The following ABCC11 variants were observed in gnomAD, a reference collection of about 807,000 sequenced individuals.
The protein encoded by ABCC11 is ATP-binding cassette sub-family C member 11.
In ABCC11, 135 loss-of-function variants were observed where a neutral mutation model predicts 149.3. The ratio of observed to expected loss-of-function variants is 0.90; its 90% confidence interval spans 0.79 to 1.04. The LOEUF (loss-of-function observed/expected upper bound fraction) is 1.04. ABCC11 is among the 50% of genes least tolerant of loss of function. The pLI, the probability that ABCC11 is intolerant of heterozygous loss-of-function variation, is 0.00. For synonymous variants in ABCC11, 665 were observed against 671.4 expected (o/e 0.99, Z 0.15); for missense variants, 1,680 against 1,722.1 (o/e 0.98, Z 0.43).
chr16:48,192,457 A>T, intron 20 of ABCC11, 63 bp downstream of exon 20: 1 of 1,531,234 alleles, frequency 6.5e-7, no homozygotes, highest in South Asian at 1.2e-5. Flanking sequence ...ATAAAAAAAT[A>T]AAAATGAAGC....
chr16:48,221,301 C>A lies in ABCC11; in HGVS notation c.777+1297G>T, dbSNP rs1296135060. 2.0e-5 allele frequency among the ~76,000 whole-genome samples: 3 copies of A among 152,056 alleles called. No homozygotes were observed. The East Asian group carries it at 5.8e-4, about 29-fold the overall frequency. On this transcript the variant is annotated intron_variant, in intron 6 of 29. Transcript: ENST00000356608. ...GTATCTGTTTCAATATCAAAGTAAC[C>A]CACAACCCTCGAGGCAATTGGTAAA...
intron 6 of ABCC11, among the ~76,000 whole-genome samples, chr16:48,218,109 C>A (rs566479952): frequency 1.3e-5 from 2 of 152,236 alleles, no homozygotes; most frequent in East Asian, 1.9e-4. Flanking sequence ...CCAGCCTGGG[C>A]AACATAGCAA....
At chr16:48,178,383 CT>C (rs943064286) in intron 24 of ABCC11, among the ~76,000 whole-genome samples, 1 of 152,148 alleles carries the variant, frequency 6.6e-6, no homozygotes, top group African/African-American at 2.4e-5. Flanking sequence ...CCTAGGAATG[CT>C]GTGAGGGATG....
At chr16:48,206,046 G>A (rs1354505731) in intron 12 of ABCC11, among the ~76,000 whole-genome samples, 5 of 152,094 alleles carry the variant, frequency 3.3e-5, no homozygotes, top group African/African-American at 9.7e-5. Context: ...TCCTGACCTC[G>A]TGATCTGTCC....
intron 1 of ABCC11, among the ~76,000 whole-genome samples, chr16:48,241,155 C>T (rs1390940292): frequency 1.3e-5 from 2 of 152,164 alleles, no homozygotes; most frequent in South Asian, 2.1e-4. Context: ...AGTCTGGTCT[C>T]GAACTCCTGA....
intron 23 of ABCC11, among the ~76,000 whole-genome samples, chr16:48,182,954 A>G (rs1966536760): frequency 1.3e-5 from 2 of 152,222 alleles, no homozygotes; most frequent in Admixed American, 1.3e-4. Context: ...TGTGAGGATT[A>G]TGTGTAAATG....
At chr16:48,222,463 A>G (rs1296043576) in intron 6 of ABCC11, 135 bp downstream of exon 6, 4 of 727,768 alleles carry the variant, frequency 5.5e-6, no homozygotes, top group Non-Finnish European at 9.1e-6. Context: ...TCCACACTCA[A>G]CCTAGGAATT....
rs76034323 is a variant in ABCC11 at position 48,199,398 on chromosome 16, C to T, written c.2082+878G>A. Among the ~76,000 whole-genome samples, 127 of 148,254 alleles carry T rather than the reference C, an allele frequency of 8.6e-4. 7 individuals carry two copies. The highest frequency in any genetic ancestry group is 2.1e-4 in the South Asian group (1 of 4,660). On this transcript the variant is annotated intron_variant, in intron 15 of 29. Coordinates refer to ENST00000356608, the MANE Select transcript of ABCC11 (RefSeq NM_001370497.1). ...TTGTTTAGGTCTTAAATATTTTATACCAAAAAAAAATAGTAAAGCAAAAAT... is the reference window on the plus strand; with the variant it reads ...TTGTTTAGGTCTTAAATATTTTATATCAAAAAAAAATAGTAAAGCAAAAAT...
At chr16:48,235,072 G>C (rs944017343) in intron 1 of ABCC11, 4 of 152,178 alleles carry the variant, frequency 2.6e-5, no homozygotes, top group Non-Finnish European at 5.9e-5. Context: ...CAGCAAGTGG[G>C]GGATCATGAG....
chr16:48,244,221 C>T (rs767787910), intron 1 of ABCC11: 2 of 555,182 alleles, frequency 3.6e-6, no homozygotes, highest in Non-Finnish European at 6.3e-6. Flanking sequence ...GGAGGCTCTC[C>T]TAGAGAGCAG....
intron 1 of ABCC11, among the ~76,000 whole-genome samples, chr16:48,235,392 C>A (rs895404772): frequency 2.0e-5 from 3 of 152,262 alleles, no homozygotes; most frequent in Admixed American, 2.0e-4. Flanking sequence ...GAGTGCCCAG[C>A]ACATAGTGTG....
At chr16:48,217,532 G>A (rs1227073667) in intron 6 of ABCC11, among the ~76,000 whole-genome samples, 1 of 152,152 alleles carries the variant, frequency 6.6e-6, no homozygotes, top group Non-Finnish European at 1.5e-5. Flanking sequence ...GCAGATCAAG[G>A]CTGCAATGAG....
rs762506100 is a variant in ABCC11 at position 48,198,174 on chromosome 16, T to C, written c.2184A>G (p.Gln728=). Residue 728 remains glutamine, a synonymous_variant, in exon 16 of 30, where the codon CAA becomes CAG. Transcript: ENST00000356608. ...ELMQKKGKYA[Q]LIQKMHKEAT... is the part of the protein sequence containing the mutation. Reference sequence around the variant, plus strand: ...CTTCCTTGTGCATCTTCTGGATAAGTTGGGCATATTTCCCCTTTTTCTGCA... The same window carrying C: ...CTTCCTTGTGCATCTTCTGGATAAGCTGGGCATATTTCCCCTTTTTCTGCA... The C allele has an allele frequency of 5.6e-6, 9 of 1,614,204 alleles. No individual in the cohort carries two copies. The highest frequency in any genetic ancestry group is 1.7e-5 in the Admixed American group (1 of 60,026).
intron 3 of ABCC11, among the ~76,000 whole-genome samples, chr16:48,228,516 A>T (rs1266997511): frequency 1.3e-5 from 2 of 152,120 alleles, no homozygotes; most frequent in Non-Finnish European, 2.9e-5. Context: ...GAATCGCTTG[A>T]ACCCGGGAGG....
chr16:48,231,713 A>G, intron 2 of ABCC11, 110 bp downstream of exon 2: 3 of 1,460,294 alleles, frequency 2.1e-6, no homozygotes, highest in Non-Finnish European at 2.7e-6. Flanking sequence ...AAGAAAAAAA[A>G]TTCAAGGGTA....
At chr16:48,196,160 G>C in intron 18 of ABCC11, 72 bp downstream of exon 18, 1 of 1,499,858 alleles carries the variant, frequency 6.7e-7, no homozygotes. Context: ...GACCTCACGT[G>C]TTCCAATCTG....
intron 18 of ABCC11, among the ~76,000 whole-genome samples, chr16:48,195,801 G>A (rs993472093): frequency 6.6e-6 from 1 of 152,072 alleles, no homozygotes; most frequent in African/African-American, 2.4e-5. Context: ...TTTCAGTGCT[G>A]CTCATGATAA....
At chr16:48,178,711 G>T in intron 23 of ABCC11, 25 bp from the exon 24 acceptor site, 1 of 1,608,240 alleles carries the variant, frequency 6.2e-7, no homozygotes, top group East Asian at 2.2e-5. Flanking sequence ...AAGTATCGGG[G>T]GTCAAGAGGC....
intron 10 of ABCC11, among the ~76,000 whole-genome samples, chr16:48,211,730 C>T (rs1311124177): frequency 3.3e-5 from 5 of 152,012 alleles, no homozygotes; most frequent in Admixed American, 6.6e-5. Flanking sequence ...AAGCTCTGTC[C>T]GTGTCCCACA....
Sources: allele counts gnomAD v4.1 joint callset (sites outside exome capture counted in the v4.1 genomes callset), GRCh38; gene constraint gnomAD v4.1.1; transcripts MANE v1.5; gene names NCBI Gene and HGNC (gene_info 2026-07-23, HGNC 2026-07-21).